YIPF4: variants seen among roughly 807,000 people sequenced by gnomAD.
YIPF4 encodes the protein protein YIPF4.
Under a neutral mutation model 29.4 loss-of-function variants are expected in YIPF4, and 18 were observed. The observed-to-expected ratio is 0.61, with a 90% CI of 0.42 to 0.91. The LOEUF (loss-of-function observed/expected upper bound fraction) is 0.91. YIPF4 is among the 40% of genes least tolerant of loss of function. YIPF4 has a pLI of 0.00. For missense variants in YIPF4, 279 were observed against 282.7 expected, an observed-to-expected ratio of 0.99 and a Z score of 0.09; for synonymous variants, 115 against 104.7, an observed-to-expected ratio of 1.10 and a Z score of -0.60.
intron 1 of YIPF4, among the ~76,000 whole-genome samples, chr2:32,284,146 G>T (rs528597198): frequency 1.1e-3 from 165 of 152,202 alleles, no homozygotes; most frequent in African/African-American, 3.8e-3. Flanking sequence ...AAGTACTGGG[G>T]ATATATGTAC....
chr2:32,299,257 A>G (rs1313109724), intron 4 of YIPF4, among the ~76,000 whole-genome samples: 7 of 152,236 alleles, frequency 4.6e-5, no homozygotes, highest in African/African-American at 1.4e-4. Context: ...ACATTTTAAC[A>G]TAAACAATAC....
At position 32,277,944 on chromosome 2, in the gene YIPF4, C is replaced by G; in HGVS notation, c.-212C>G. The G allele has an allele frequency of 3.8e-6, 2 of 531,838 alleles. No individual in the cohort carries two copies. Among genetic ancestry groups the G allele is most frequent in the Non-Finnish European group, 6.6e-6 (2 of 303,234 alleles). 32.9% of individuals were successfully genotyped at this position (531,838 alleles called of 1,614,324 possible). On this transcript the variant is annotated 5_prime_UTR_variant, in exon 1 of 6. Transcript: ENST00000238831. ...CTGTCAGGGTGCCGGCGTCGTGGTG[C>G]TTGGGTGGTCGCCACCAAGAAGACT... is the stretch of plus-strand genomic sequence containing the variant.
intron 3 of YIPF4, among the ~76,000 whole-genome samples, chr2:32,297,248 C>T (rs924783341): frequency 7.2e-5 from 11 of 152,104 alleles, no homozygotes; most frequent in African/African-American, 2.2e-4. Context: ...CCTCAGCCTC[C>T]GGAATAGCTG....
At chr2:32,284,416 G>T (rs2030564667) in intron 1 of YIPF4, among the ~76,000 whole-genome samples, 1 of 152,252 alleles carries the variant, frequency 6.6e-6, no homozygotes, top group East Asian at 1.9e-4. Context: ...GAGAGGCCTG[G>T]TGGGAGGTGA....
intron 4 of YIPF4, among the ~76,000 whole-genome samples, chr2:32,300,266 C>G (rs1019519657): frequency 6.7e-6 from 1 of 148,952 alleles, no homozygotes; most frequent in Non-Finnish European, 1.5e-5. Context: ...AACTCCGTCT[C>G]AAAAAAAAGA....
At chr2:32,298,166 T>C in intron 3 of YIPF4, 68 bp from the exon 4 acceptor site, 1 of 1,249,872 alleles carries the variant, frequency 8.0e-7, no homozygotes, top group South Asian at 1.2e-5. Flanking sequence ...TGGCAGAGAA[T>C]CGAGTTCCTG....
At chr2:32,290,389 A>G in intron 1 of YIPF4, 94 bp from the exon 2 acceptor site, 1 of 974,072 alleles carries the variant, frequency 1.0e-6, no homozygotes, top group Non-Finnish European at 1.4e-6. Context: ...GAGATCTTCA[A>G]ATGATAATTA....
rs944364568 is a variant in YIPF4, at chr2:32,311,959, A to G, written c.*6333A>G. 1 of 152,186 alleles carries G rather than the reference A, an allele frequency of 6.6e-6. No individual in the cohort carries two copies. The highest frequency in any genetic ancestry group is 1.5e-5 in the Non-Finnish European group (1 of 68,024). 9.4% of individuals were successfully genotyped at this position (152,186 alleles called of 1,614,324 possible). A position where few individuals can be genotyped will look rare whatever the true frequency, so the allele number is the denominator to read the frequency against. On this transcript the variant is annotated 3_prime_UTR_variant, in exon 6 of 6. Transcript: ENST00000238831. ...TTTTTGCTCTATTTTATACCTACTCACTTTGGTGGAATTAGTTCTCCATGT... is the reference window on the plus strand; with the variant it reads ...TTTTTGCTCTATTTTATACCTACTCGCTTTGGTGGAATTAGTTCTCCATGT...
At chr2:32,286,076 CATTA>C (rs1478487780) in intron 1 of YIPF4, among the ~76,000 whole-genome samples, 30 of 152,156 alleles carry the variant, frequency 2.0e-4, no homozygotes, top group Non-Finnish European at 3.7e-4. Flanking sequence ...TTACTTTTTT[CATTA>C]ATTAATCTAC....
At chr2:32,301,559 C>G in intron 5 of YIPF4, 64 bp downstream of exon 5, 1 of 1,104,136 alleles carries the variant, frequency 9.1e-7, no homozygotes, top group Non-Finnish European at 1.3e-6. Context: ...TACTAGGCCT[C>G]TAGCTAGGAA....
chr2:32,290,199 T>C (rs2030850027), intron 1 of YIPF4, among the ~76,000 whole-genome samples: 2 of 152,228 alleles, frequency 1.3e-5, no homozygotes, highest in Non-Finnish European at 2.9e-5. Flanking sequence ...ATGGAAATTT[T>C]AAGGAATTAC....
intron 3 of YIPF4, among the ~76,000 whole-genome samples, chr2:32,296,956 C>A (rs145244526): frequency 2.6e-5 from 4 of 152,040 alleles, no homozygotes; most frequent in Admixed American, 1.3e-4. Flanking sequence ...TTTATTTCAT[C>A]GCTCAGATTT....
chr2:32,278,674 A>T (rs2030229009), intron 1 of YIPF4, among the ~76,000 whole-genome samples: 1 of 152,100 alleles, frequency 6.6e-6, no homozygotes, highest in Non-Finnish European at 1.5e-5. Context: ...GGGGTCTGGG[A>T]TCAGATTCGG....
chr2:32,285,038 A>G lies in YIPF4; in HGVS notation c.80-5445A>G, dbSNP rs76190363. ...GAAGAGTATGGATTGGAAGGAGACA[A>G]GAATGACTGGGGGGAGGGCAGTTTG... is the stretch of plus-strand genomic sequence containing the variant. On this transcript the variant is annotated intron_variant, in intron 1 of 5. Transcript: ENST00000238831. Among the ~76,000 whole-genome samples the G allele has an allele frequency of 6.5e-3, 983 of 152,304 alleles. 23 individuals carry two copies. In the East Asian group the frequency reaches 0.068, roughly 11 times the overall value.
chr2:32,314,250 A>G lies in YIPF4; in HGVS notation c.*8624A>G, dbSNP rs1057314131. The G allele has an allele frequency of 4.6e-5, 7 of 152,250 alleles. No homozygotes were observed. Among genetic ancestry groups the G allele is most frequent in the Admixed American group, 1.3e-4 (2 of 15,282 alleles). 9.4% of individuals were successfully genotyped at this position (152,250 alleles called of 1,614,324 possible). On this transcript the variant is annotated 3_prime_UTR_variant, in exon 6 of 6. Transcript: ENST00000238831. ...ATACAAAAACATGAAGAATTTCACAAGTATTATGTTGAGTGAAAAAGACAA... is the reference window on the plus strand; with the variant it reads ...ATACAAAAACATGAAGAATTTCACAGGTATTATGTTGAGTGAAAAAGACAA...
intron 1 of YIPF4, among the ~76,000 whole-genome samples, chr2:32,284,507 A>G (rs1400141385): frequency 6.6e-6 from 1 of 152,108 alleles, no homozygotes; most frequent in African/African-American, 2.4e-5. Context: ...AAAAGGGTGT[A>G]GCACCTCCAC....
intron 4 of YIPF4, among the ~76,000 whole-genome samples, chr2:32,298,960 C>T (rs1038798918): frequency 6.6e-6 from 1 of 151,996 alleles, no homozygotes; most frequent in Admixed American, 6.6e-5. Context: ...TCACTGCTAC[C>T]TCCACCTCCT....
chr2:32,289,991 AAAT>A (rs1313387589), intron 1 of YIPF4, among the ~76,000 whole-genome samples: 1 of 152,010 alleles, frequency 6.6e-6, no homozygotes, highest in African/African-American at 2.4e-5. Context: ...ATATATGAAT[AAAT>A]AAATACATGA....
At chr2:32,286,238 G>A (rs2030664478) in intron 1 of YIPF4, among the ~76,000 whole-genome samples, 1 of 152,182 alleles carries the variant, frequency 6.6e-6, no homozygotes, top group African/African-American at 2.4e-5. Flanking sequence ...GATTGTACCA[G>A]TGTCAGTGTC....
Sources: gnomAD v4.1 joint callset for allele counts (sites outside exome capture counted in the v4.1 genomes callset) on GRCh38, gnomAD v4.1.1 for gene constraint, MANE v1.5 for transcripts, NCBI Gene and HGNC (gene_info 2026-07-23, HGNC 2026-07-21) for gene names.